Variants in EHF observed in about 807,000 individuals in gnomAD.
The protein encoded by EHF is ESE3 transcription factor.
In EHF, 14 loss-of-function variants were observed where a neutral mutation model predicts 45.1. The observed-to-expected ratio is 0.31, with a 90% confidence interval of 0.21 to 0.49. The LOEUF (loss-of-function observed/expected upper bound fraction) is 0.49, where lower values mean the gene tolerates loss of function less well. EHF is among the 20% of genes least tolerant of loss of function. The pLI is 0.99. For synonymous variants in EHF, 136 were observed against 131.8 expected (o/e 1.03, Z -0.22); for missense variants, 282 against 371.4 (o/e 0.76, Z 1.98).
intron 1 of EHF, among the ~76,000 whole-genome samples, chr11:34,624,801 A>G (rs1852227330): frequency 6.6e-6 from 1 of 151,920 alleles, no homozygotes; most frequent in African/African-American, 2.4e-5. Context: ...AGAATTTTGA[A>G]CTCCAGCTTT....
chr11:34,630,198 A>G (rs1300670736), intron 1 of EHF, among the ~76,000 whole-genome samples: 1 of 152,232 alleles, frequency 6.6e-6, no homozygotes, highest in Non-Finnish European at 1.5e-5. Flanking sequence ...CTTTAGAAAC[A>G]CAAGGATCCA....
chr11:34,645,718 C>G (rs1054117069), intron 2 of EHF, among the ~76,000 whole-genome samples: 1 of 152,138 alleles, frequency 6.6e-6, no homozygotes, highest in Non-Finnish European at 1.5e-5. Flanking sequence ...AGGTAGAACA[C>G]AAGCTTAGCT....
intron 1 of EHF, among the ~76,000 whole-genome samples, chr11:34,634,593 A>G (rs1853215432): frequency 6.6e-6 from 1 of 152,188 alleles, no homozygotes; most frequent in Admixed American, 6.5e-5. Context: ...TCACCCTTGC[A>G]GCAGGAGCAA....
chr11:34,641,436 G>A (rs1853983889), intron 1 of EHF, among the ~76,000 whole-genome samples: 1 of 152,162 alleles, frequency 6.6e-6, no homozygotes, highest in African/African-American at 2.4e-5. Context: ...CAGAACAAGA[G>A]GAGCCGTAGC....
At chr11:34,632,442 A>G in intron 1 of EHF, 2 of 1,473,718 alleles carry the variant, frequency 1.4e-6, no homozygotes, top group Non-Finnish European at 1.8e-6. Context: ...TGTCTCAGAG[A>G]GAGACATTCA....
Position 34,646,661 on chromosome 11 carries a change from A to G in EHF, c.320A>G (p.Asn107Ser). Residue 107 changes from asparagine to serine, a missense_variant, in exon 3 of 9, where the codon AAC becomes AGC. By Grantham distance (46) the Asn-to-Ser change is conservative (BLOSUM62 1). Coordinates refer to ENST00000257831, the MANE Select transcript of EHF (RefSeq NM_012153.6). ...AGTAGQLLYS[N>S]LQHLKWNGQC... ...ACGGCGGGGCAGCTCCTCTACAGCA[A>G]CTTGCAGCATCTGAAGTGGAACGGT... The G allele has an allele frequency of 6.2e-7, 1 of 1,612,228 alleles. No individual in the cohort carries two copies. The highest frequency in any genetic ancestry group is 8.5e-7 in the Non-Finnish European group (1 of 1,179,976).
At position 34,659,462 on chromosome 11, in the gene EHF, C is replaced by T. The variant is rs1855950083; in HGVS notation, c.*531C>T. ...GGAAGTTTAACCTGAGCCTTAGGATCCAATGAGTGGAGAATGGGGACTTCC... is the reference window on the plus strand; with the variant it reads ...GGAAGTTTAACCTGAGCCTTAGGATTCAATGAGTGGAGAATGGGGACTTCC... On this transcript the variant is annotated 3_prime_UTR_variant, in exon 9 of 9. Coordinates refer to ENST00000257831, the MANE Select transcript of EHF (RefSeq NM_012153.6). 1 of 152,938 alleles carries T rather than the reference C, an allele frequency of 6.5e-6. No homozygotes were observed. Among genetic ancestry groups the T allele is most frequent in the South Asian group, 2.1e-4 (1 of 4,838 alleles). The allele number at this position is 152,938 out of a possible 1,614,324, so 9.5% of individuals were successfully genotyped here.
chr11:34,658,449 G>A, intron 7 of EHF, 84 bp from the exon 8 acceptor site: 2 of 1,192,698 alleles, frequency 1.7e-6, no homozygotes, highest in East Asian at 4.8e-5. Flanking sequence ...CCTACTTGCA[G>A]GAAGATGACC....
chr11:34,632,663 C>T (rs1158130609), intron 1 of EHF: 1 of 1,535,428 alleles, frequency 6.5e-7, no homozygotes, highest in African/African-American at 1.4e-5. Flanking sequence ...GTTGGTCATT[C>T]TCAAATGCCA....
At chr11:34,653,104 T>A (rs147028174) in intron 6 of EHF, among the ~76,000 whole-genome samples, 2 of 152,170 alleles carry the variant, frequency 1.3e-5, no homozygotes, top group Non-Finnish European at 2.9e-5. Context: ...AGTCACACTC[T>A]GAGTTCCTCT....
intron 1 of EHF, among the ~76,000 whole-genome samples, chr11:34,635,043 C>T (rs751511472): frequency 2.0e-5 from 3 of 152,154 alleles, no homozygotes; most frequent in Non-Finnish European, 4.4e-5. Context: ...GACATAATGC[C>T]TCCTAGAGTT....
chr11:34,625,833 AC>A (rs138345207), intron 1 of EHF, among the ~76,000 whole-genome samples: 2,202 of 149,994 alleles, frequency 0.015, 50 homozygotes, highest in African/African-American at 0.052. Context: ...CTCACCACAC[AC>A]CCTGGCCTCT....
chr11:34,621,365 A>G (rs1690828178), intron 1 of EHF, 137 bp downstream of exon 1: 1 of 152,286 alleles, frequency 6.6e-6, no homozygotes, highest in Non-Finnish European at 1.5e-5. Context: ...AGCTCACCTT[A>G]CCTGGGCTTA....
At chr11:34,652,094 T>C (rs900366857) in intron 6 of EHF, among the ~76,000 whole-genome samples, 4 of 152,216 alleles carry the variant, frequency 2.6e-5, no homozygotes, top group African/African-American at 9.7e-5. Context: ...AACTTACTCT[T>C]GCAATATAGC....
intron 1 of EHF, among the ~76,000 whole-genome samples, chr11:34,628,580 G>A (rs145193992): frequency 2.8e-4 from 43 of 152,282 alleles, no homozygotes; most frequent in Non-Finnish European, 5.0e-4. Context: ...CCTGCCTATG[G>A]GTAGCCTTGG....
At chr11:34,658,391 G>A in intron 7 of EHF, 142 bp from the exon 8 acceptor site, 1 of 653,140 alleles carries the variant, frequency 1.5e-6, no homozygotes, top group South Asian at 2.2e-5. Context: ...AACATCTGGT[G>A]ATTCTGCGAT....
intron 6 of EHF, among the ~76,000 whole-genome samples, chr11:34,653,450 C>A (rs1264290501): frequency 1.3e-5 from 2 of 152,150 alleles, no homozygotes; most frequent in Non-Finnish European, 2.9e-5. Flanking sequence ...GGAACTCGCT[C>A]TCTCCTGAGT....
At chr11:34,644,723 G>T (rs1423108098) in intron 2 of EHF, among the ~76,000 whole-genome samples, 1 of 152,234 alleles carries the variant, frequency 6.6e-6, no homozygotes, top group Non-Finnish European at 1.5e-5. Context: ...TTGTGGGCTG[G>T]ACCATGGGCA....
intron 2 of EHF, among the ~76,000 whole-genome samples, chr11:34,645,918 A>G (rs1214125977): frequency 6.6e-6 from 1 of 152,088 alleles, no homozygotes; most frequent in African/African-American, 2.4e-5. Context: ...ATATCAGTCC[A>G]GTTAGTAGAT....
Sources: gnomAD v4.1 joint callset for allele counts (sites outside exome capture counted in the v4.1 genomes callset) on GRCh38, gnomAD v4.1.1 for gene constraint, MANE v1.5 for transcripts, NCBI Gene and HGNC (gene_info 2026-07-23, HGNC 2026-07-21) for gene names.